Variants in FHL2 observed in about 807,000 individuals in gnomAD.
FHL2 encodes four and a half LIM domains protein 2.
FHL2 carries 20 observed loss-of-function variants against 32.7 expected under a neutral mutation model. The observed-to-expected ratio is 0.61, with a 90% CI of 0.43 to 0.89. The LOEUF (loss-of-function observed/expected upper bound fraction) is 0.89. Among genes scored for constraint, FHL2 ranks in the 40% least tolerant of loss-of-function variants. FHL2 has a pLI of 0.00. For missense variants in FHL2, 311 were observed against 358.6 expected, an observed-to-expected ratio of 0.87 and a Z score of 1.07; for synonymous variants, 123 against 128.1, an observed-to-expected ratio of 0.96 and a Z score of 0.27.
At chr2:105,369,316 G>C (rs1350030007) in intron 4 of FHL2, among the ~76,000 whole-genome samples, 1 of 152,138 alleles carries the variant, frequency 6.6e-6, no homozygotes, top group African/African-American at 2.4e-5. Context: ...AAAATCTTAT[G>C]GTCCCAAGGA....
upstream of FHL2, chr2:105,399,381 C>T (rs1490862216): frequency 6.5e-7 from 1 of 1,535,912 alleles, no homozygotes; most frequent in East Asian, 2.4e-5. Flanking sequence ...CTGCCTGGTC[C>T]CAGGAGCGGG....
rs1355605852 is a variant in FHL2, at chr2:105,361,410, G to C, written c.713C>G (p.Ser238Cys). Residue 238 changes from serine (S) to cysteine (C), a missense_variant, in exon 7 of 7, where the codon TCC becomes TGC. Ser to Cys is a moderately radical substitution (Grantham distance 112, BLOSUM62 -1). Transcript: ENST00000530340. ...ISGLGGTKYI[S>C]FEERQWHNDC... ...GTTATGCCACTGCCGTTCCTCAAAG[G>C]AGATGTATTTTGTGCCACCAAGTCC... 6.2e-7 allele frequency: 1 copy of C among 1,614,096 alleles called. No individual in the cohort carries two copies. Among genetic ancestry groups the C allele is most frequent in the South Asian group, 1.1e-5 (1 of 91,056 alleles).
intron 1 of FHL2, among the ~76,000 whole-genome samples, chr2:105,433,452 G>T (rs891435794): frequency 6.6e-6 from 1 of 152,158 alleles, no homozygotes; most frequent in Non-Finnish European, 1.5e-5. Flanking sequence ...AAAGTGCTGG[G>T]ATTACAGGCG....
At chr2:105,430,361 C>G (rs1457504870) in intron 1 of FHL2, among the ~76,000 whole-genome samples, 1 of 152,192 alleles carries the variant, frequency 6.6e-6, no homozygotes. Flanking sequence ...AACCACTCTT[C>G]CTCCAAAATA....
rs1054452876 is a variant in FHL2, at chr2:105,396,840, A to G, written c.-75-143T>C. The G allele has an allele frequency of 1.9e-5, 13 of 693,498 alleles. No homozygotes were observed. The African/African-American group carries it at 2.3e-4, about 12-fold the overall frequency. The allele number at this position is 693,498 out of a possible 1,614,324, so 43.0% of individuals were successfully genotyped here. A position where few individuals can be genotyped will look rare whatever the true frequency, so the allele number is the denominator to read the frequency against. On this transcript the variant is annotated intron_variant, in intron 1 of 6. Coordinates refer to ENST00000530340, the MANE Select transcript of FHL2 (RefSeq NM_001318895.3). ...ACCGCACAGAAGAACCCAATGTCTAATGTTTCCATTCACCCAAGCTCAAGG... is the reference window on the plus strand; with the variant it reads ...ACCGCACAGAAGAACCCAATGTCTAGTGTTTCCATTCACCCAAGCTCAAGG...
chr2:105,361,473 T>C (rs765701012), intron 6 of FHL2, 39 bp from the exon 7 acceptor site: 18 of 1,585,258 alleles, frequency 1.1e-5, no homozygotes, highest in Non-Finnish European at 1.6e-5. Context: ...TGAAGAAAGT[T>C]AGAATCAGGC....
intron 3 of FHL2, chr2:105,374,506 A>T (rs1681324566): frequency 6.6e-6 from 1 of 152,370 alleles, no homozygotes; most frequent in Admixed American, 6.5e-5. Context: ...AAGTGCTCAG[A>T]CTGGGGGACG....
chr2:105,395,348 TTAC>T (rs1052893573), intron 2 of FHL2, among the ~76,000 whole-genome samples: 1 of 152,070 alleles, frequency 6.6e-6, no homozygotes, highest in African/African-American at 2.4e-5. Flanking sequence ...CCTGAGTGAG[TTAC>T]GAACACTTCT....
At chr2:105,432,461 GA>G (rs778834414) in intron 1 of FHL2, among the ~76,000 whole-genome samples, 17 of 152,310 alleles carry the variant, frequency 1.1e-4, no homozygotes, top group Non-Finnish European at 2.2e-4. Context: ...AAAGTTGAAG[GA>G]AAGAGACTAT....
intron 2 of FHL2, among the ~76,000 whole-genome samples, chr2:105,393,858 C>CTA (rs2104615453): frequency 6.6e-6 from 1 of 152,350 alleles, no homozygotes; most frequent in Non-Finnish European, 1.5e-5. Flanking sequence ...GCGGATATAA[C>CTA]TCTTCTTATT....
intron 1 of FHL2, among the ~76,000 whole-genome samples, chr2:105,433,475 C>T (rs1473730160): frequency 2.0e-5 from 3 of 152,208 alleles, no homozygotes; most frequent in Non-Finnish European, 4.4e-5. Context: ...AGCCACCGCG[C>T]CCGGCTTCAT....
rs774898059 is a variant in FHL2, at chr2:105,378,150, G to A, written c.157-4417C>T. 5.5e-5 allele frequency: 26 copies of A among 471,082 alleles called. 2 individuals carry two copies. The highest frequency in any genetic ancestry group is 3.9e-4 in the South Asian group (25 of 64,570). 29.2% of individuals were successfully genotyped at this position (471,082 alleles called of 1,614,324 possible). ...GACATGGAAAAGCTGGCTAAGACATGCACATGGGTCCAAGGCACTGCAGAA... is the reference window on the plus strand; with the variant it reads ...GACATGGAAAAGCTGGCTAAGACATACACATGGGTCCAAGGCACTGCAGAA... On this transcript the variant is annotated intron_variant, in intron 3 of 6. Coordinates refer to ENST00000530340, the MANE Select transcript of FHL2 (RefSeq NM_001318895.3).
chr2:105,415,867 A>G (rs745464640), intron 1 of FHL2, among the ~76,000 whole-genome samples: 1 of 152,216 alleles, frequency 6.6e-6, no homozygotes, highest in Non-Finnish European at 1.5e-5. Context: ...AATGGCCCAT[A>G]TGGTACAATT....
chr2:105,367,364 G>A (rs1680708666), intron 5 of FHL2, among the ~76,000 whole-genome samples: 1 of 152,200 alleles, frequency 6.6e-6, no homozygotes, highest in African/African-American at 2.4e-5. Flanking sequence ...TTTGATCACA[G>A]AGCTCAACAA....
chr2:105,372,350 C>T (rs992912287), intron 4 of FHL2, among the ~76,000 whole-genome samples: 6 of 151,908 alleles, frequency 3.9e-5, no homozygotes, highest in Admixed American at 6.6e-5. Context: ...CTCAGCCTCC[C>T]GAGTAGCTGG....
chr2:105,435,413 C>T (rs530899222), intron 1 of FHL2, among the ~76,000 whole-genome samples: 2 of 152,254 alleles, frequency 1.3e-5, no homozygotes, highest in East Asian at 1.9e-4. Flanking sequence ...CATACGAAAC[C>T]GTGAACTGAT....
At position 105,361,367 on chromosome 2, in the gene FHL2, C is replaced by T; in HGVS notation, c.756G>A (p.Lys252=). The stretch of plus-strand genomic sequence containing the variant: ...GCCCCACCAGTGAGAGGGAGCACTT[C>T]TTACAGTTAAAGCAGTCGTTATGCC... The part of the protein sequence containing the change: ...RQWHNDCFNC[K]KCSLSLVGRG... Residue 252 remains lysine, a synonymous_variant, in exon 7 of 7, where the codon AAG becomes AAA. Transcript: ENST00000530340. 1 of 1,614,188 alleles carries T rather than the reference C, an allele frequency of 6.2e-7. No homozygotes were observed. The highest frequency in any genetic ancestry group is 8.5e-7 in the Non-Finnish European group (1 of 1,179,994).
chr2:105,403,121 A>G (rs1451413567), upstream of FHL2, among the ~76,000 whole-genome samples: 1 of 152,204 alleles, frequency 6.6e-6, no homozygotes, highest in Non-Finnish European at 1.5e-5. Flanking sequence ...ACCACTTAGA[A>G]CTATTAACAC....
intron 2 of FHL2, among the ~76,000 whole-genome samples, chr2:105,388,926 A>T (rs1056271597): frequency 3.2e-4 from 48 of 152,248 alleles, no homozygotes; most frequent in African/African-American, 1.1e-3. Context: ...CAGTCTTCAA[A>T]AGATAGGCGA....
Sources: gnomAD v4.1 joint callset for allele counts (sites outside exome capture counted in the v4.1 genomes callset) on GRCh38, gnomAD v4.1.1 for gene constraint, MANE v1.5 for transcripts, NCBI Gene and HGNC (gene_info 2026-07-23, HGNC 2026-07-21) for gene names.